Variants in SLCO3A1 observed in about 807,000 individuals in gnomAD.
SLCO3A1 encodes PGE1 transporter.
In SLCO3A1, 27 loss-of-function variants were observed where a neutral mutation model predicts 63.1. That is an observed-to-expected ratio of 0.43 (90% CI 0.32 to 0.59). SLCO3A1 has a LOEUF of 0.59. Ranked by LOEUF, SLCO3A1 falls within the 20% of genes least tolerant of loss-of-function variation. The pLI is 0.09. For synonymous variants in SLCO3A1, 473 were observed against 409.9 expected (o/e 1.15, Z -1.86); for missense variants, 773 against 945.8 (o/e 0.82, Z 2.40).
At chr15:91,965,408 G>A (rs1900621161) in intron 2 of SLCO3A1, among the ~76,000 whole-genome samples, 1 of 152,162 alleles carries the variant, frequency 6.6e-6, no homozygotes, top group Non-Finnish European at 1.5e-5. Flanking sequence ...TTTAAAACTA[G>A]ACCTGACAGG....
At chr15:91,935,098 C>T (rs536668618) in intron 2 of SLCO3A1, among the ~76,000 whole-genome samples, 2 of 152,260 alleles carry the variant, frequency 1.3e-5, no homozygotes, top group Admixed American at 6.5e-5. Flanking sequence ...GGGCTACAGC[C>T]GTGTGCCACC....
In SLCO3A1 at chr15:91,968,755, G is replaced by GT. The variant is rs1175160251; in HGVS notation, c.646+52298dup. 6.6e-6 allele frequency among the ~76,000 whole-genome samples: 1 copy of GT among 152,210 alleles called. No individual in the cohort carries two copies. The highest frequency in any genetic ancestry group is 2.4e-5 in the African/African-American group (1 of 41,456). On this transcript the variant is annotated intron_variant, in intron 2 of 9. Transcript: ENST00000318445. This position sits in a 1 kb window ranked among gnomAD's most constrained non-coding sequence, Gnocchi z 4.2. ...CCGCAGTATTTACGGCACTCACGAC[G>GT]TGTCCAGCTTCTTTGTGCGCTCACA...
rs1013878554 is a variant in SLCO3A1 at position 91,882,509 on chromosome 15, A to C, written c.180+28421A>C. On this transcript the variant is annotated intron_variant, in intron 1 of 9. Transcript: ENST00000318445. The surrounding 1 kb of genome is among the most constrained non-coding windows in gnomAD (Gnocchi z 4.4). ...CCTCCACCCCCACCCCACCCCCACT[A>C]TGTATGACTTCTTTTTTTTCCTTGA... 1.3e-5 allele frequency among the ~76,000 whole-genome samples: 2 copies of C among 149,690 alleles called. No individual in the cohort carries two copies. Among genetic ancestry groups the C allele is most frequent in the East Asian group, 2.0e-4 (1 of 5,036 alleles).
rs751255663 is a variant in SLCO3A1 at position 92,146,972 on chromosome 15, C to G, written c.1513-12C>G. The G allele has an allele frequency of 6.2e-7, 1 of 1,601,082 alleles. No homozygotes were observed. Among genetic ancestry groups the G allele is most frequent in the Non-Finnish European group, 8.5e-7 (1 of 1,174,324 alleles). ...TACCCCCAGATAAAAGGGCTGAACGCTTCCCTTTCAGAATCTCACGGGCTG... is the reference window on the plus strand; with the variant it reads ...TACCCCCAGATAAAAGGGCTGAACGGTTCCCTTTCAGAATCTCACGGGCTG... On this transcript the variant is annotated splice_polypyrimidine_tract_variant and intron_variant, in intron 7 of 9. Coordinates refer to ENST00000318445, the MANE Select transcript of SLCO3A1 (RefSeq NM_013272.4).
chr15:91,996,544 T>A (rs1229973879), intron 2 of SLCO3A1, among the ~76,000 whole-genome samples: 1 of 152,114 alleles, frequency 6.6e-6, no homozygotes, highest in African/African-American at 2.4e-5. Context: ...ATAATTAACA[T>A]AATTTCGTGT....
chr15:91,961,451 C>A (rs1402572258), intron 2 of SLCO3A1, among the ~76,000 whole-genome samples: 1 of 152,342 alleles, frequency 6.6e-6, no homozygotes, highest in East Asian at 1.9e-4. Flanking sequence ...TCTGGTTCTA[C>A]TCTGAGGAAA....
intron 2 of SLCO3A1, among the ~76,000 whole-genome samples, chr15:92,055,183 T>C (rs2047006755): frequency 6.6e-6 from 1 of 152,238 alleles, no homozygotes; most frequent in African/African-American, 2.4e-5. Flanking sequence ...GGTTTTGATT[T>C]GCATTTCTCT....
Position 91,872,720 on chromosome 15 carries a change from A to G in SLCO3A1, c.180+18632A>G, listed in dbSNP as rs1429979338. On this transcript the variant is annotated intron_variant, in intron 1 of 9. Transcript: ENST00000318445. The surrounding 1 kb of genome is among the most constrained non-coding windows in gnomAD (Gnocchi z 4.1). The stretch of plus-strand genomic sequence containing the variant: ...TTGAGTGTGTTGATATTATTTTAAC[A>G]TGTTACCACCTGTGAGAGAACACTG... Among the ~76,000 whole-genome samples the G allele has an allele frequency of 6.6e-6, 1 of 152,156 alleles. No homozygotes were observed. Among genetic ancestry groups the G allele is most frequent in the Non-Finnish European group, 1.5e-5 (1 of 68,046 alleles).
At chr15:92,063,072 C>T (rs2047106397) in intron 2 of SLCO3A1, among the ~76,000 whole-genome samples, 1 of 152,168 alleles carries the variant, frequency 6.6e-6, no homozygotes, top group Admixed American at 6.5e-5. Flanking sequence ...CAGAATAACG[C>T]CTTAAGGTTA....
At chr15:91,938,152 TG>T (rs1002199395) in intron 2 of SLCO3A1, among the ~76,000 whole-genome samples, 16 of 152,332 alleles carry the variant, frequency 1.1e-4, no homozygotes, top group African/African-American at 3.8e-4. Context: ...CCAGTGACCC[TG>T]CACAAGCCAC....
chr15:92,117,918 C>A (rs1392577574), intron 4 of SLCO3A1, among the ~76,000 whole-genome samples: 1 of 152,168 alleles, frequency 6.6e-6, no homozygotes, highest in Non-Finnish European at 1.5e-5. Context: ...AATATTTGTA[C>A]CATACTTTAA....
At position 91,886,391 on chromosome 15, in the gene SLCO3A1, C is replaced by T. The variant is rs1229675788; in HGVS notation, c.181-29602C>T. Reference sequence around the variant, plus strand: ...AGCTGCCTCCTATGAGCCCCTGGCCCGCTGCACCTACCTTGGGTCTGGGTG... The same window carrying T: ...AGCTGCCTCCTATGAGCCCCTGGCCTGCTGCACCTACCTTGGGTCTGGGTG... On this transcript the variant is annotated intron_variant, in intron 1 of 9. Coordinates refer to ENST00000318445, the MANE Select transcript of SLCO3A1 (RefSeq NM_013272.4). This position sits in a 1 kb window ranked among gnomAD's most constrained non-coding sequence, Gnocchi z 4.9. Among the ~76,000 whole-genome samples the T allele has an allele frequency of 2.6e-5, 4 of 152,166 alleles. No homozygotes were observed. Among genetic ancestry groups the T allele is most frequent in the Non-Finnish European group, 2.9e-5 (2 of 68,042 alleles).
At chr15:91,960,998 C>T (rs954233958) in intron 2 of SLCO3A1, among the ~76,000 whole-genome samples, 1 of 152,196 alleles carries the variant, frequency 6.6e-6, no homozygotes, top group Non-Finnish European at 1.5e-5. Context: ...AGACCATAGT[C>T]TGCTCAACCA....
chr15:91,950,199 G>A lies in SLCO3A1; in HGVS notation c.646+33741G>A, dbSNP rs1899951482. On this transcript the variant is annotated intron_variant, in intron 2 of 9. Coordinates refer to ENST00000318445, the MANE Select transcript of SLCO3A1 (RefSeq NM_013272.4). The surrounding 1 kb of genome is among the most constrained non-coding windows in gnomAD (Gnocchi z 4.4). ...GGAAGCAGCTGGAATGAGGTAGGGAGGCCTGATGGTATGGAGTCTGCATGC... is the reference window on the plus strand; with the variant it reads ...GGAAGCAGCTGGAATGAGGTAGGGAAGCCTGATGGTATGGAGTCTGCATGC... 6.6e-6 allele frequency among the ~76,000 whole-genome samples: 1 copy of A among 152,234 alleles called. No individual in the cohort carries two copies.
rs1898121712 is a variant in SLCO3A1 at position 91,900,375 on chromosome 15, G to T, written c.181-15618G>T. On this transcript the variant is annotated intron_variant, in intron 1 of 9. Transcript: ENST00000318445. The surrounding 1 kb of genome is among the most constrained non-coding windows in gnomAD (Gnocchi z 4.3). ...GATGGAGTCTTGCTCTGTCACACAG[G>T]CTGGAGTGCAGTGGTGTGATCTCAG... Among the ~76,000 whole-genome samples the T allele has an allele frequency of 6.6e-6, 1 of 152,172 alleles. No homozygotes were observed. Among genetic ancestry groups the T allele is most frequent in the African/African-American group, 2.4e-5 (1 of 41,428 alleles).
At chr15:92,126,599 T>C (rs1464438651) in intron 6 of SLCO3A1, among the ~76,000 whole-genome samples, 1 of 152,200 alleles carries the variant, frequency 6.6e-6, no homozygotes, top group Admixed American at 6.5e-5. Context: ...AAAGACAGAA[T>C]TGATTTGATT....
rs1181530277 is a variant in SLCO3A1, at chr15:91,894,347, G to A, written c.181-21646G>A. Among the ~76,000 whole-genome samples the A allele has an allele frequency of 6.6e-6, 1 of 152,132 alleles. No homozygotes were observed. The highest frequency in any genetic ancestry group is 1.5e-5 in the Non-Finnish European group (1 of 68,022). On this transcript the variant is annotated intron_variant, in intron 1 of 9. Transcript: ENST00000318445. This position sits in a 1 kb window ranked among gnomAD's most constrained non-coding sequence, Gnocchi z 4.8. ...AAAATACTGAGTAACTTGCCATGAT[G>A]TGACTTTGGTACTCAAAATATCTAA...
chr15:92,033,771 G>C lies in SLCO3A1; in HGVS notation c.647-61110G>C, dbSNP rs1033368296. On this transcript the variant is annotated intron_variant, in intron 2 of 9. Transcript: ENST00000318445. This position sits in a 1 kb window ranked among gnomAD's most constrained non-coding sequence, Gnocchi z 4.5. ...TGGGAGTCGTACAGTTTTAGTGTCA[G>C]AGGGGCAGGTCTCACTGAGGTTTTG... Among the ~76,000 whole-genome samples, 1 of 152,216 alleles carries C rather than the reference G, an allele frequency of 6.6e-6. No homozygotes were observed. Among genetic ancestry groups the C allele is most frequent in the African/African-American group, 2.4e-5 (1 of 41,456 alleles).
At chr15:91,880,929 C>G (rs1016219007) in intron 1 of SLCO3A1, among the ~76,000 whole-genome samples, 28 of 152,062 alleles carry the variant, frequency 1.8e-4, no homozygotes, top group African/African-American at 6.5e-4. Flanking sequence ...CAGTAAGGCC[C>G]AATTTATTTA....
Sources: gnomAD v4.1 joint callset for allele counts (sites outside exome capture counted in the v4.1 genomes callset) on GRCh38, gnomAD v4.1.1 for gene constraint, Gnocchi (gnomAD v3.1) non-coding constraint, MANE v1.5 for transcripts, NCBI Gene and HGNC (gene_info 2026-07-23, HGNC 2026-07-21) for gene names.